The following KHDRBS3 variants were observed in gnomAD, a reference collection of about 807,000 sequenced individuals.
The protein encoded by KHDRBS3 is KH RNA binding domain containing, signal transduction associated 3, also known as KH domain-containing, RNA-binding, signal transduction-associated protein 3.
A neutral mutation model predicts 45.6 loss-of-function variants in KHDRBS3; 23 were observed. The ratio of observed to expected loss-of-function variants is 0.50; its 90% CI spans 0.36 to 0.72. The LOEUF (loss-of-function observed/expected upper bound fraction) is 0.72, where lower values mean the gene tolerates loss of function less well. Among genes scored for constraint, KHDRBS3 ranks in the 30% least tolerant of loss-of-function variants. KHDRBS3 has a pLI of 0.00. For missense variants in KHDRBS3, 352 were observed against 424.8 expected, an observed-to-expected ratio of 0.83 and a Z score of 1.51; for synonymous variants, 162 against 156.5, an observed-to-expected ratio of 1.04 and a Z score of -0.26.
intron 1 of KHDRBS3, among the ~76,000 whole-genome samples, chr8:135,492,422 G>A (rs1175289247): frequency 6.6e-6 from 1 of 151,116 alleles, no homozygotes; most frequent in African/African-American, 2.4e-5. Flanking sequence ...AAAGAAATTG[G>A]GAAGCAAAAA....
intron 2 of KHDRBS3, chr8:135,541,685 A>T (rs1437216973): frequency 6.6e-6 from 1 of 152,214 alleles, no homozygotes; most frequent in African/African-American, 2.4e-5. Flanking sequence ...CATCTTGCCA[A>T]GGCGAACAGC....
chr8:135,586,310 T>C (rs570329240), intron 6 of KHDRBS3, among the ~76,000 whole-genome samples: 1 of 114,072 alleles, frequency 8.8e-6, no homozygotes, highest in Admixed American at 1.0e-4. Flanking sequence ...GAAAAACCAG[T>C]GCTTTAAAAA....
intron 5 of KHDRBS3, among the ~76,000 whole-genome samples, chr8:135,577,272 T>A (rs1827989543): frequency 6.6e-6 from 1 of 152,192 alleles, no homozygotes; most frequent in Non-Finnish European, 1.5e-5. Context: ...ATATTGTGGT[T>A]TTTAGTGTGC....
chr8:135,573,430 T>C (rs1827800600), intron 5 of KHDRBS3, among the ~76,000 whole-genome samples: 1 of 152,202 alleles, frequency 6.6e-6, no homozygotes, highest in African/African-American at 2.4e-5. Context: ...AAGGAAAGTA[T>C]CAGGACAGAG....
At chr8:135,588,560 A>G (rs368256193) in intron 6 of KHDRBS3, among the ~76,000 whole-genome samples, 1 of 152,110 alleles carries the variant, frequency 6.6e-6, no homozygotes, top group Non-Finnish European at 1.5e-5. Context: ...AATCACAGGG[A>G]TGGTTCCCTT....
chr8:135,581,191 C>A (rs1282712152), intron 5 of KHDRBS3, among the ~76,000 whole-genome samples: 4 of 152,156 alleles, frequency 2.6e-5, no homozygotes, highest in African/African-American at 9.7e-5. Context: ...TCTGGGGTAG[C>A]CACACTTTTC....
At chr8:135,619,505 A>G (rs1830051655) in intron 7 of KHDRBS3, among the ~76,000 whole-genome samples, 1 of 152,236 alleles carries the variant, frequency 6.6e-6, no homozygotes, top group African/African-American at 2.4e-5. Context: ...GTAGTAAATT[A>G]AAGTGTGACC....
intron 7 of KHDRBS3, among the ~76,000 whole-genome samples, chr8:135,624,914 C>T (rs1258076584): frequency 6.6e-6 from 1 of 152,088 alleles, no homozygotes; most frequent in Admixed American, 6.5e-5. Context: ...CAGTGTGACC[C>T]GCATCTGCAT....
Position 135,633,313 on chromosome 8 carries a change from G to A in KHDRBS3, c.891-11746G>A, listed in dbSNP as rs1362675214. Among the ~76,000 whole-genome samples the A allele has an allele frequency of 3.3e-5, 5 of 152,332 alleles. No individual in the cohort carries two copies. The East Asian group carries it at 9.7e-4, about 29-fold the overall frequency. On this transcript the variant is annotated intron_variant, in intron 7 of 8. Coordinates refer to ENST00000355849, the MANE Select transcript of KHDRBS3 (RefSeq NM_006558.3). The stretch of plus-strand genomic sequence containing the variant: ...TCAGCCTGGTCTCACTAGAGCAGGA[G>A]CTCTCTCTCCTGCACAGTGCGGTGT...
In KHDRBS3 at chr8:135,548,911, T is replaced by G. The variant is rs777724340; in HGVS notation, c.471+11T>G. 2 of 1,533,704 alleles carry G rather than the reference T, an allele frequency of 1.3e-6. No individual in the cohort carries two copies. The highest frequency in any genetic ancestry group is 1.3e-5 in the South Asian group (1 of 78,438). ...AAGTTCCTCATCCCTGTTAGTACCATTTTTCTTGATAGTTAACTTGTACTT... is the reference window on the plus strand; with the variant it reads ...AAGTTCCTCATCCCTGTTAGTACCAGTTTTCTTGATAGTTAACTTGTACTT... On this transcript the variant is annotated intron_variant, in intron 4 of 8. Coordinates refer to ENST00000355849, the MANE Select transcript of KHDRBS3 (RefSeq NM_006558.3).
chr8:135,643,776 A>T (rs1306805048), intron 7 of KHDRBS3, among the ~76,000 whole-genome samples: 1 of 152,190 alleles, frequency 6.6e-6, no homozygotes, highest in Non-Finnish European at 1.5e-5. Flanking sequence ...CATGCAATTT[A>T]GCCTGGCTTC....
At chr8:135,516,733 A>G (rs1180583319) in intron 1 of KHDRBS3, among the ~76,000 whole-genome samples, 1 of 152,122 alleles carries the variant, frequency 6.6e-6, no homozygotes, top group African/African-American at 2.4e-5. Context: ...TAAGACATTT[A>G]GGTGGTTCCC....
rs111847913 is a variant in KHDRBS3, at chr8:135,611,167, A to C, written c.890+4130A>C. Among the ~76,000 whole-genome samples the C allele has an allele frequency of 4.4e-3, 663 of 152,012 alleles. 31 individuals are homozygous for C. The highest frequency in any genetic ancestry group is 0.015 in the African/African-American group (606 of 41,276). On this transcript the variant is annotated intron_variant, in intron 7 of 8. Coordinates refer to ENST00000355849, the MANE Select transcript of KHDRBS3 (RefSeq NM_006558.3). ...CAACTTGTCTTACCTGAAGGAGTAC[A>C]GAGAACTGTATGAGAAGTGCTCACA...
At chr8:135,485,166 C>CATGA (rs1270518283) in intron 1 of KHDRBS3, among the ~76,000 whole-genome samples, 12 of 148,984 alleles carry the variant, frequency 8.1e-5, no homozygotes, top group Non-Finnish European at 1.8e-4. Context: ...TCTGTCCCCA[C>CATGA]TACAATATCA....
intron 5 of KHDRBS3, among the ~76,000 whole-genome samples, chr8:135,567,559 C>T (rs976815663): frequency 6.6e-6 from 1 of 152,172 alleles, no homozygotes; most frequent in African/African-American, 2.4e-5. Flanking sequence ...CTAGCTTGGG[C>T]TCATAGTAGA....
chr8:135,580,099 T>C (rs561387345), intron 5 of KHDRBS3, among the ~76,000 whole-genome samples: 1 of 152,314 alleles, frequency 6.6e-6, no homozygotes, highest in Admixed American at 6.5e-5. Context: ...CTGAGGGTGA[T>C]TTAGTATTTT....
intron 6 of KHDRBS3, among the ~76,000 whole-genome samples, chr8:135,600,504 G>A (rs1829160631): frequency 6.6e-6 from 1 of 152,182 alleles, no homozygotes. Context: ...AAAGCAGAAA[G>A]CACTGATTTT....
At position 135,481,250 on chromosome 8, in the gene KHDRBS3, A is replaced by ATATATATATATATATATATT. The variant is rs1285436029; in HGVS notation, c.88+23297_88+23298insATATATATATATATATATTT. ...TATATATATATATATATATATATAT[A>ATATATATATATATATATATT]TTTAATGTAAGCCTTCTGTGTACTT... On this transcript the variant is annotated intron_variant, in intron 1 of 8. Transcript: ENST00000355849. Among the ~76,000 whole-genome samples, 66 of 125,528 alleles carry ATATATATATATATATATATT rather than the reference A, an allele frequency of 5.3e-4. 1 individual carries two copies. Among genetic ancestry groups the ATATATATATATATATATATT allele is most frequent in the Non-Finnish European group, 8.4e-4 (52 of 61,804 alleles). 82.4% of individuals were successfully genotyped at this position (125,528 alleles called of 152,430 possible).
chr8:135,526,732 T>A (rs1825208690), intron 2 of KHDRBS3, among the ~76,000 whole-genome samples: 1 of 152,152 alleles, frequency 6.6e-6, no homozygotes, highest in South Asian at 2.1e-4. Flanking sequence ...AATTGAATAA[T>A]TTCTCTTCTG....
Sources: allele counts gnomAD v4.1 joint callset (sites outside exome capture counted in the v4.1 genomes callset), GRCh38; gene constraint gnomAD v4.1.1; transcripts MANE v1.5; gene names NCBI Gene and HGNC (gene_info 2026-07-23, HGNC 2026-07-21).